NR1D2: variants seen among roughly 807,000 people sequenced by gnomAD.
NR1D2 encodes V-erbA-related protein 1-related.
In NR1D2, 25 loss-of-function variants were observed where a neutral mutation model predicts 52.2. That is an observed-to-expected ratio of 0.48 (90% confidence interval 0.35 to 0.67). The LOEUF (loss-of-function observed/expected upper bound fraction) is 0.67. Among genes scored for constraint, NR1D2 ranks in the 30% least tolerant of loss-of-function variants. NR1D2 has a pLI of 0.01. For missense variants in NR1D2, 681 were observed against 707.2 expected (o/e 0.96, Z 0.42); for synonymous variants, 259 against 230.1 (o/e 1.13, Z -1.14).
chr3:23,960,918 A>G (rs1439267531), intron 4 of NR1D2, among the ~76,000 whole-genome samples: 1 of 152,222 alleles, frequency 6.6e-6, no homozygotes, highest in African/African-American at 2.4e-5. Context: ...CTGTGTAAAT[A>G]CTAGACTGTG....
chr3:23,976,433 C>G (rs1206557279), intron 7 of NR1D2, among the ~76,000 whole-genome samples: 1 of 152,162 alleles, frequency 6.6e-6, no homozygotes, highest in East Asian at 1.9e-4. Context: ...GGGCTGTGGT[C>G]TCATATGAAG....
intron 3 of NR1D2, among the ~76,000 whole-genome samples, chr3:23,956,833 G>GC (rs1441985774): frequency 2.6e-5 from 4 of 151,976 alleles, no homozygotes; most frequent in Admixed American, 2.6e-4. Context: ...AAAAATTAAC[G>GC]TGATGAAGAC....
intron 5 of NR1D2, chr3:23,963,293 G>A (rs2125291845): frequency 7.4e-7 from 1 of 1,351,468 alleles, no homozygotes; most frequent in Non-Finnish European, 9.8e-7. Flanking sequence ...TTTAAACCAT[G>A]AAGTCCTTTG....
intron 1 of NR1D2, among the ~76,000 whole-genome samples, chr3:23,950,558 C>G (rs1705897047): frequency 1.3e-5 from 2 of 152,202 alleles, no homozygotes; most frequent in East Asian, 3.8e-4. Flanking sequence ...ATTTGGGTTG[C>G]TATCAGTCAG....
At position 23,979,323 on chromosome 3, in the gene NR1D2, CTT is replaced by C. The variant is rs918924672; in HGVS notation, c.*1908_*1909del. On this transcript the variant is annotated 3_prime_UTR_variant, in exon 8 of 8. Coordinates refer to ENST00000312521, the MANE Select transcript of NR1D2 (RefSeq NM_005126.5). ...GTGAATCTTTACATGATAGCATTAT[CTT>C]TTTATAATTTTTTTTCCTAAGATAA... is the stretch of plus-strand genomic sequence containing the variant. The C allele has an allele frequency of 6.6e-6, 1 of 151,950 alleles. No homozygotes were observed. Among genetic ancestry groups the C allele is most frequent in the African/African-American group, 2.4e-5 (1 of 41,416 alleles). 9.4% of individuals were successfully genotyped at this position (151,950 alleles called of 1,614,324 possible).
chr3:23,951,155 T>TC (rs1374295542), intron 1 of NR1D2, among the ~76,000 whole-genome samples: 1 of 152,162 alleles, frequency 6.6e-6, no homozygotes, highest in Non-Finnish European at 1.5e-5. Context: ...TCCGCCTGCC[T>TC]CGGCCTCCCA....
At chr3:23,971,759 G>GAA (rs1706596530) in intron 7 of NR1D2, among the ~76,000 whole-genome samples, 1 of 151,766 alleles carries the variant, frequency 6.6e-6, no homozygotes, top group Non-Finnish European at 1.5e-5. Flanking sequence ...ATTGTTCAAA[G>GAA]ACAGTTTTTT....
At chr3:23,959,898 G>T in intron 4 of NR1D2, 83 bp downstream of exon 4, 1 of 1,311,394 alleles carries the variant, frequency 7.6e-7, no homozygotes, top group South Asian at 1.6e-5. Flanking sequence ...CTATAAACCG[G>T]TTACCAAGGA....
chr3:23,977,296 A>G lies in NR1D2; in HGVS notation c.1617A>G (p.Leu539=). The change falls in exon 8 of 8, where the codon TTA becomes TTG. Residue 539 remains leucine, a synonymous_variant. Coordinates refer to ENST00000312521, the MANE Select transcript of NR1D2 (RefSeq NM_005126.5). ...QETLIRALRT[L]IMKNHPNEAS... Reference sequence around the variant, plus strand: ...CTCTCATTCGTGCACTAAGGACCTTAATAATGAAAAACCATCCAAATGAGG... The same window carrying G: ...CTCTCATTCGTGCACTAAGGACCTTGATAATGAAAAACCATCCAAATGAGG... 6.2e-7 allele frequency: 1 copy of G among 1,613,398 alleles called. No homozygotes were observed.
In NR1D2 at chr3:23,961,984, G is replaced by C; in HGVS notation, c.525G>C (p.Arg175=). 6.3e-7 allele frequency: 1 copy of C among 1,598,260 alleles called. No individual in the cohort carries two copies. The highest frequency in any genetic ancestry group is 1.1e-5 in the South Asian group (1 of 89,698). Residue 175 remains arginine (R), a synonymous_variant, in exon 5 of 8, where the codon CGG becomes CGC. Coordinates refer to ENST00000312521, the MANE Select transcript of NR1D2 (RefSeq NM_005126.5). ...TATCTTTTTCTTCAATAGCTGTTCG[G>C]TTTGGTCGTATTCCTAAGCGTGAAA... ...LSVGMSRDAV[R]FGRIPKREKQ... is the part of the protein sequence containing the mutation.
Position 23,962,124 on chromosome 3 carries a change from C to T in NR1D2, c.665C>T (p.Pro222Leu). ...LVEHHEQTAL[P>L]AQEQLRPKPQ... The stretch of plus-strand genomic sequence containing the variant: ...GAACATCATGAACAGACAGCCTTGC[C>T]AGCCCAGGAACAGCTGCGACCCAAG... The change falls in exon 5 of 8, where the codon CCA becomes CTA. Residue 222 changes from proline (P) to leucine (L), a missense_variant. Physicochemically the swap from Pro to Leu is moderately conservative, Grantham distance 98. Around this residue, in one of 3 missense-constraint regions of NR1D2, gnomAD observed 475 missense variants for 454.5 expected, o/e 1.05. Coordinates refer to ENST00000312521, the MANE Select transcript of NR1D2 (RefSeq NM_005126.5). 6.2e-7 allele frequency: 1 copy of T among 1,614,116 alleles called. No individual in the cohort carries two copies. The highest frequency in any genetic ancestry group is 8.5e-7 in the Non-Finnish European group (1 of 1,180,024).
intron 5 of NR1D2, among the ~76,000 whole-genome samples, chr3:23,963,718 G>A (rs1320931122): frequency 1.3e-5 from 2 of 151,988 alleles, no homozygotes; most frequent in African/African-American, 2.4e-5. Flanking sequence ...CAAAGTGCTG[G>A]GATTACAGGC....
intron 4 of NR1D2, among the ~76,000 whole-genome samples, chr3:23,960,389 G>A (rs568180528): frequency 7.9e-5 from 12 of 152,262 alleles, no homozygotes; most frequent in African/African-American, 2.4e-4. Context: ...TGGGTGACAC[G>A]GTGACACTCT....
intron 1 of NR1D2, chr3:23,946,323 C>G: frequency 1.0e-6 from 1 of 981,746 alleles, no homozygotes; most frequent in African/African-American, 1.7e-5. Flanking sequence ...AGCTGCATAC[C>G]TTGCAGATTC....
Position 23,959,885 on chromosome 3 carries a change from G to C in NR1D2, c.517+70G>C, listed in dbSNP as rs1342501951. 20 of 1,472,814 alleles carry C rather than the reference G, an allele frequency of 1.4e-5. No homozygotes were observed. In the Admixed American group the frequency reaches 2.4e-4, roughly 18 times the overall value. 91.2% of individuals were successfully genotyped at this position (1,472,814 alleles called of 1,614,324 possible). ...GGCTTTTATTCCTCATCATGAACCA[G>C]AGCTATAAACCGGTTACCAAGGACC... On this transcript the variant is annotated intron_variant, in intron 4 of 7. Transcript: ENST00000312521.
chr3:23,971,423 C>T (rs1023389012), intron 7 of NR1D2, among the ~76,000 whole-genome samples: 5 of 151,366 alleles, frequency 3.3e-5, no homozygotes, highest in African/African-American at 1.2e-4. Flanking sequence ...TGCCCAACAC[C>T]ATCCTCAGCT....
At chr3:23,977,004 G>T (rs904655976) in intron 7 of NR1D2, among the ~76,000 whole-genome samples, 1 of 71,908 alleles carries the variant, frequency 1.4e-5, no homozygotes, top group Non-Finnish European at 3.3e-5. Flanking sequence ...AATTTTGATT[G>T]ATCAAATGTT....
intron 3 of NR1D2, among the ~76,000 whole-genome samples, chr3:23,959,411 A>G (rs1706178292): frequency 1.3e-5 from 2 of 152,046 alleles, no homozygotes; most frequent in African/African-American, 4.8e-5. Context: ...TTGGGTAAGG[A>G]CAAAGAATCT....
At chr3:23,945,634 G>C (rs1705643093) in intron 1 of NR1D2, 40 bp downstream of exon 1, 2 of 1,155,242 alleles carry the variant, frequency 1.7e-6, no homozygotes, top group Non-Finnish European at 2.1e-6. Flanking sequence ...TGGCCGGAGG[G>C]AGCGCTCAGA....
Sources: gnomAD v4.1 joint callset for allele counts (sites outside exome capture counted in the v4.1 genomes callset) on GRCh38, gnomAD v4.1.1 for gene constraint, gnomAD v4.1.1 regional missense constraint, MANE v1.5 for transcripts, NCBI Gene and HGNC (gene_info 2026-07-23, HGNC 2026-07-21) for gene names.